Variants in TEAD1 observed in about 807,000 individuals in gnomAD.
TEAD1 encodes TEA domain transcription factor 1.
TEAD1 carries 9 observed loss-of-function variants against 54.9 expected under a neutral mutation model. The ratio of observed to expected loss-of-function variants is 0.16; its 90% CI spans 0.10 to 0.29. The LOEUF is 0.29. TEAD1 is among the 10% of genes least tolerant of loss of function. TEAD1 has a pLI of 1.00. For synonymous variants in TEAD1, 200 were observed against 187.8 expected (o/e 1.07, Z -0.53); for missense variants, 387 against 535.9 (o/e 0.72, Z 2.74).
chr11:12,780,284 C>T (rs1945515471), intron 3 of TEAD1, among the ~76,000 whole-genome samples: 1 of 147,982 alleles, frequency 6.8e-6, no homozygotes, highest in Non-Finnish European at 1.5e-5. Flanking sequence ...GCTCTTGTCA[C>T]CTAGGCTGGA....
chr11:12,750,024 A>T (rs2068614227), intron 2 of TEAD1, among the ~76,000 whole-genome samples: 1 of 152,076 alleles, frequency 6.6e-6, no homozygotes, highest in Non-Finnish European at 1.5e-5. Flanking sequence ...TAAATGGAAG[A>T]TTATATTTGT....
At chr11:12,707,098 A>G (rs1321863638) in intron 2 of TEAD1, among the ~76,000 whole-genome samples, 1 of 150,798 alleles carries the variant, frequency 6.6e-6, no homozygotes, top group Non-Finnish European at 1.5e-5. Flanking sequence ...AAGGGAAAGA[A>G]ATAGCACTTG....
At chr11:12,827,444 A>G (rs1590190042) in intron 3 of TEAD1, among the ~76,000 whole-genome samples, 1 of 152,190 alleles carries the variant, frequency 6.6e-6, no homozygotes, top group East Asian at 1.9e-4. Context: ...CAACAACCCT[A>G]GGCTTGGGGT....
chr11:12,778,919 C>T (rs1049904414), intron 3 of TEAD1, among the ~76,000 whole-genome samples: 1 of 152,126 alleles, frequency 6.6e-6, no homozygotes, highest in Non-Finnish European at 1.5e-5. Context: ...TGCAAGACCC[C>T]ACTCCCCTGT....
At chr11:12,839,985 C>G (rs887098211) in intron 3 of TEAD1, among the ~76,000 whole-genome samples, 2 of 151,940 alleles carry the variant, frequency 1.3e-5, no homozygotes, top group Admixed American at 1.3e-4. Flanking sequence ...CGGTGGTTCA[C>G]GCCTGTAATC....
chr11:12,820,083 G>A (rs1946509226), intron 3 of TEAD1, among the ~76,000 whole-genome samples: 1 of 152,078 alleles, frequency 6.6e-6, no homozygotes, highest in Non-Finnish European at 1.5e-5. Context: ...GCAGGTCATG[G>A]GGGTCCACTG....
intron 10 of TEAD1, 96 bp downstream of exon 10, chr11:12,902,209 C>G: frequency 6.8e-7 from 1 of 1,478,978 alleles, no homozygotes; most frequent in Non-Finnish European, 9.5e-7. Flanking sequence ...TGGATTTACA[C>G]TGAGTGCACC....
intron 2 of TEAD1, among the ~76,000 whole-genome samples, chr11:12,759,564 T>C (rs915999178): frequency 1.3e-5 from 2 of 152,282 alleles, no homozygotes; most frequent in Admixed American, 6.5e-5. Flanking sequence ...AGTATACATA[T>C]TTTTAAAAGT....
At chr11:12,826,474 C>CT (rs1946658847) in intron 3 of TEAD1, among the ~76,000 whole-genome samples, 2 of 152,248 alleles carry the variant, frequency 1.3e-5, no homozygotes, top group South Asian at 4.2e-4. Flanking sequence ...AACAGTGTGA[C>CT]TAAGTAATTT....
intron 2 of TEAD1, among the ~76,000 whole-genome samples, chr11:12,713,845 C>G (rs1476594371): frequency 1.3e-5 from 2 of 152,132 alleles, no homozygotes; most frequent in Non-Finnish European, 2.9e-5. Flanking sequence ...GCAGCAGCTC[C>G]CGGCATCACA....
chr11:12,695,525 AGTT>A (rs1453248224), intron 2 of TEAD1, among the ~76,000 whole-genome samples: 2 of 152,204 alleles, frequency 1.3e-5, no homozygotes, highest in Non-Finnish European at 2.9e-5. Context: ...CTCTAGACCA[AGTT>A]GTTCGGGGCC....
chr11:12,898,607 C>A (rs1948361646), intron 9 of TEAD1, among the ~76,000 whole-genome samples: 1 of 151,934 alleles, frequency 6.6e-6, no homozygotes, highest in Non-Finnish European at 1.5e-5. Context: ...GTTGGCCAGG[C>A]TGGTCTCGAA....
chr11:12,754,991 C>T (rs1944958339), intron 2 of TEAD1, among the ~76,000 whole-genome samples: 1 of 152,204 alleles, frequency 6.6e-6, no homozygotes, highest in Non-Finnish European at 1.5e-5. Flanking sequence ...TGATGCAGCA[C>T]AATTAGAATT....
At chr11:12,843,629 CTT>C (rs1947084539) in intron 3 of TEAD1, among the ~76,000 whole-genome samples, 1 of 152,170 alleles carries the variant, frequency 6.6e-6, no homozygotes, top group Non-Finnish European at 1.5e-5. Flanking sequence ...AAAGCTAAAT[CTT>C]TTCAAATCTG....
intron 5 of TEAD1, among the ~76,000 whole-genome samples, chr11:12,878,037 G>A (rs1947890292): frequency 6.6e-6 from 1 of 151,906 alleles, no homozygotes. Context: ...GAACTCCTGG[G>A]CCCAAGTAAT....
intron 2 of TEAD1, among the ~76,000 whole-genome samples, chr11:12,744,084 T>G (rs1219604352): frequency 6.6e-6 from 1 of 152,248 alleles, no homozygotes; most frequent in Non-Finnish European, 1.5e-5. Flanking sequence ...AATTCATTGC[T>G]GAGAAAACTT....
intron 3 of TEAD1, among the ~76,000 whole-genome samples, chr11:12,828,767 G>C (rs1474710906): frequency 4.7e-5 from 7 of 147,666 alleles, no homozygotes; most frequent in African/African-American, 1.7e-4. Context: ...CGTCAGCATG[G>C]AGTCCTTGTT....
chr11:12,740,797 A>G (rs937582121), intron 2 of TEAD1, among the ~76,000 whole-genome samples: 2 of 152,034 alleles, frequency 1.3e-5, no homozygotes, highest in Non-Finnish European at 2.9e-5. Flanking sequence ...ACTACAATTC[A>G]AGGTGAGATT....
At position 12,937,762 on chromosome 11, in the gene TEAD1, A is replaced by G. The variant is rs1187714243; in HGVS notation, c.*540A>G. The G allele has an allele frequency of 6.6e-6, 1 of 152,670 alleles. No individual in the cohort carries two copies. The highest frequency in any genetic ancestry group is 1.5e-5 in the Non-Finnish European group (1 of 68,094). The allele number at this position is 152,670 out of a possible 1,614,324, so 9.5% of individuals were successfully genotyped here. A position where few individuals can be genotyped will look rare whatever the true frequency, so the allele number is the denominator to read the frequency against. On this transcript the variant is annotated 3_prime_UTR_variant, in exon 13 of 13. Coordinates refer to ENST00000527636, the MANE Select transcript of TEAD1 (RefSeq NM_021961.6). ...TAATTAGGGTGGAAGTTATGAAAGAATGTAATTCACTAAATTATTTTTTAA... is the reference window on the plus strand; with the variant it reads ...TAATTAGGGTGGAAGTTATGAAAGAGTGTAATTCACTAAATTATTTTTTAA...
Sources: allele counts gnomAD v4.1 joint callset (sites outside exome capture counted in the v4.1 genomes callset), GRCh38; gene constraint gnomAD v4.1.1; transcripts MANE v1.5; gene names NCBI Gene and HGNC (gene_info 2026-07-23, HGNC 2026-07-21).